ATG2B: variants seen among roughly 807,000 people sequenced by gnomAD.
The protein encoded by ATG2B is autophagy related 2B.
Under a neutral mutation model 241.3 loss-of-function variants are expected in ATG2B, and 121 were observed. The ratio of observed to expected loss-of-function variants is 0.50; its 90% CI spans 0.43 to 0.58. The LOEUF (loss-of-function observed/expected upper bound fraction) is 0.58. Among genes scored for constraint, ATG2B ranks in the 20% least tolerant of loss-of-function variants. The pLI is 0.00. For missense variants in ATG2B, 2,306 were observed against 2,491.6 expected (o/e 0.93, Z 1.59); for synonymous variants, 858 against 876.6 (o/e 0.98, Z 0.37).
At chr14:96,294,196 C>T (rs1006770608) in intron 36 of ATG2B, among the ~76,000 whole-genome samples, 5 of 152,256 alleles carry the variant, frequency 3.3e-5, no homozygotes, top group Middle Eastern at 3.4e-3. Context: ...AACTTCAGAA[C>T]CTAGAGAGAA....
chr14:96,342,096 G>A (rs1192786484), intron 5 of ATG2B, among the ~76,000 whole-genome samples: 9 of 151,976 alleles, frequency 5.9e-5, no homozygotes, highest in Admixed American at 5.9e-4. Context: ...TAATTATAAA[G>A]CTTTTTAAAG....
intron 30 of ATG2B, 67 bp from the exon 31 acceptor site, chr14:96,305,882 T>A: frequency 3.3e-6 from 4 of 1,205,116 alleles, no homozygotes; most frequent in Non-Finnish European, 4.8e-6. Context: ...ATGCTGCACA[T>A]CTCAAGGGGC....
At chr14:96,338,185 T>A (rs144280540) in intron 6 of ATG2B, among the ~76,000 whole-genome samples, 1 of 152,244 alleles carries the variant, frequency 6.6e-6, no homozygotes, top group African/African-American at 2.4e-5. Context: ...GGAGCCTTTT[T>A]GATGAGTCTT....
chr14:96,293,907 T>C (rs1336590366), intron 36 of ATG2B, among the ~76,000 whole-genome samples: 4 of 152,032 alleles, frequency 2.6e-5, no homozygotes, highest in African/African-American at 4.8e-5. Flanking sequence ...AAAAACCAAA[T>C]TGGCAGTTTA....
intron 18 of ATG2B, chr14:96,318,187 C>T (rs74837502): frequency 6.1e-6 from 1 of 165,032 alleles, no homozygotes; most frequent in Non-Finnish European, 1.3e-5. Context: ...AACAGAAGCT[C>T]ATGAAAAATA....
In ATG2B at chr14:96,362,827, G is replaced by A; in HGVS notation, c.150C>T (p.Pro50=). The change falls in exon 1 of 42, where the codon CCC becomes CCT. Residue 50 remains proline (P), a synonymous_variant. Transcript: ENST00000359933. ...CGGCAGCTCTTACCCATTTGTCCAA[G>A]GGGACCTGGGCGAGGGACCCGGTGC... ...YQGTGSLAQV[P]LDKWCLNEIL... is the part of the protein sequence containing the mutation. 1.9e-6 allele frequency: 3 copies of A among 1,607,714 alleles called. No homozygotes were observed. Among genetic ancestry groups the A allele is most frequent in the Non-Finnish European group, 2.6e-6 (3 of 1,176,314 alleles).
chr14:96,363,062 C>A lies in ATG2B; in HGVS notation c.-86G>T, dbSNP rs924559396. The A allele has an allele frequency of 8.5e-6, 13 of 1,528,142 alleles. No individual in the cohort carries two copies. The highest frequency in any genetic ancestry group is 1.2e-5 in the Non-Finnish European group (13 of 1,109,372). 94.7% of individuals were successfully genotyped at this position (1,528,142 alleles called of 1,614,324 possible). A position where few individuals can be genotyped will look rare whatever the true frequency, so the allele number is the denominator to read the frequency against. ...TAGCGACTCCGGCTCCAGGCCGCGG[C>A]GGGGCCTAAGCCTGGGGCGGCCCCT... On this transcript the variant is annotated 5_prime_UTR_variant, in exon 1 of 42. Coordinates refer to ENST00000359933, the MANE Select transcript of ATG2B (RefSeq NM_018036.7).
Position 96,285,577 on chromosome 14 carries a change from T to A in ATG2B, c.*178A>T, listed in dbSNP as rs1293658701. On this transcript the variant is annotated 3_prime_UTR_variant, in exon 42 of 42. Coordinates refer to ENST00000359933, the MANE Select transcript of ATG2B (RefSeq NM_018036.7). The surrounding 1 kb of genome is among the most constrained non-coding windows in gnomAD (Gnocchi z 4.2). ...AACATTTCTATAGGCAAGTATCAACTATAAATGTCAGAAGTTTTTGGTTGC... is the reference window on the plus strand; with the variant it reads ...AACATTTCTATAGGCAAGTATCAACAATAAATGTCAGAAGTTTTTGGTTGC... 1 of 623,826 alleles carries A rather than the reference T, an allele frequency of 1.6e-6. No homozygotes were observed. Among genetic ancestry groups the A allele is most frequent in the Non-Finnish European group, 2.8e-6 (1 of 357,010 alleles). 38.6% of individuals were successfully genotyped at this position (623,826 alleles called of 1,614,324 possible).
rs117811976 is a variant in ATG2B at position 96,356,032 on chromosome 14, G to A, written c.162+6783C>T. Among the ~76,000 whole-genome samples the A allele has an allele frequency of 5.4e-3, 824 of 152,082 alleles. 27 individuals carry two copies. In the South Asian group the frequency reaches 0.068, roughly 13 times the overall value. On this transcript the variant is annotated intron_variant, in intron 1 of 41. Coordinates refer to ENST00000359933, the MANE Select transcript of ATG2B (RefSeq NM_018036.7). ...AAAGATACAAAAAAATTTGCCAGGCGTCGGGGTGGGAGCCTGTAGTCCCAG... is the reference window on the plus strand; with the variant it reads ...AAAGATACAAAAAAATTTGCCAGGCATCGGGGTGGGAGCCTGTAGTCCCAG...
Position 96,291,746 on chromosome 14 carries a change from ATTG to A in ATG2B, c.5497-67_5497-65del, listed in dbSNP as rs1229629083. On this transcript the variant is annotated intron_variant, in intron 37 of 41. Transcript: ENST00000359933. ...ATTAAGAGACTCAACATCTAAAATA[ATTG>A]TTATTTTGAAAGTCAAAGCAGTAGT... 5 of 1,188,248 alleles carry A rather than the reference ATTG, an allele frequency of 4.2e-6. No individual in the cohort carries two copies. In the Admixed American group the frequency reaches 5.8e-5, roughly 14 times the overall value. 73.6% of individuals were successfully genotyped at this position (1,188,248 alleles called of 1,614,324 possible).
At position 96,294,859 on chromosome 14, in the gene ATG2B, A is replaced by G. The variant is rs1463636809; in HGVS notation, c.5426+101T>C. ...CAGCTGATGATTTGGCAGTGCAAAG[A>G]AAAGCTGACGGAACCTCATGATTAC... On this transcript the variant is annotated intron_variant, in intron 36 of 41. Transcript: ENST00000359933. 3 of 1,052,564 alleles carry G rather than the reference A, an allele frequency of 2.9e-6. No individual in the cohort carries two copies. In the African/African-American group the frequency reaches 4.8e-5, roughly 17 times the overall value. The allele number at this position is 1,052,564 out of a possible 1,614,324, so 65.2% of individuals were successfully genotyped here.
At position 96,295,557 on chromosome 14, in the gene ATG2B, C is replaced by T. The variant is rs1175371545; in HGVS notation, c.5143G>A (p.Ala1715Thr). The T allele has an allele frequency of 6.3e-7, 1 of 1,592,058 alleles. No homozygotes were observed. Among genetic ancestry groups the T allele is most frequent in the Non-Finnish European group, 8.5e-7 (1 of 1,171,534 alleles). The stretch of plus-strand genomic sequence containing the variant: ...AAGAAATCCTTCAGGAAGAACAAAG[C>T]ATCCTAAAATTAAGAGATGTAATTT... ...MPLRLNIDQD[A>T]LFFLKDFFTS... The change falls in exon 35 of 42, where the codon GCT (alanine) becomes ACT (threonine). Residue 1715 changes from alanine to threonine, a missense_variant. Ala to Thr is a moderately conservative substitution (Grantham distance 58). Transcript: ENST00000359933.
chr14:96,315,199 A>T lies in ATG2B; in HGVS notation c.3597T>A (p.Thr1199=). The T allele has an allele frequency of 1.2e-6, 2 of 1,614,190 alleles. No homozygotes were observed. The highest frequency in any genetic ancestry group is 1.7e-6 in the Non-Finnish European group (2 of 1,180,016). The change falls in exon 23 of 42, where the codon ACT becomes ACA. Residue 1199 remains threonine, a synonymous_variant. Coordinates refer to ENST00000359933, the MANE Select transcript of ATG2B (RefSeq NM_018036.7). Reference sequence around the variant, plus strand: ...CAGAAGGAAGCATTCTATGCTGGAGAGTGGCTCCTTTCAGTCCTACGGCAA... The same window carrying T: ...CAGAAGGAAGCATTCTATGCTGGAGTGTGGCTCCTTTCAGTCCTACGGCAA... ...FLIAVGLKGA[T]LQHRMLPSGL... is the part of the protein sequence containing the mutation.
Position 96,285,972 on chromosome 14 carries a change from G to C in ATG2B, c.6020C>G (p.Thr2007Arg). 1 of 1,612,780 alleles carries C rather than the reference G, an allele frequency of 6.2e-7. No individual in the cohort carries two copies. Among genetic ancestry groups the C allele is most frequent in the Non-Finnish European group, 8.5e-7 (1 of 1,179,276 alleles). The change falls in exon 42 of 42, where the codon ACG becomes AGG. Residue 2007 changes from threonine to arginine, a missense_variant. Around this residue, in one of 2 missense-constraint regions of ATG2B, gnomAD observed 379 missense variants for 480.4 expected, o/e 0.79. Transcript: ENST00000359933. This position sits in a 1 kb window ranked among gnomAD's most constrained non-coding sequence, Gnocchi z 4.2. ...YSVVKEGITD[T>R]AQTIYETAAR... Reference sequence around the variant, plus strand: ...CGCAGTTTCATAAATGGTCTGAGCCGTGTCTGTGATTCCCTGCGTAGAGGA... The same window carrying C: ...CGCAGTTTCATAAATGGTCTGAGCCCTGTCTGTGATTCCCTGCGTAGAGGA...
In ATG2B at chr14:96,333,700, G is replaced by T; in HGVS notation, c.1195C>A (p.Pro399Thr). The T allele has an allele frequency of 6.2e-7, 1 of 1,613,590 alleles. No homozygotes were observed. The highest frequency in any genetic ancestry group is 8.5e-7 in the Non-Finnish European group (1 of 1,179,724). Residue 399 changes from proline (P) to threonine (T), a missense_variant, in exon 8 of 42, where the codon CCT becomes ACT. Physicochemically the swap from Pro to Thr is conservative, Grantham distance 38 (BLOSUM62 -1). Around this residue, in one of 2 missense-constraint regions of ATG2B, gnomAD observed 1,927 missense variants for 2,011.2 expected, o/e 0.96. Coordinates refer to ENST00000359933, the MANE Select transcript of ATG2B (RefSeq NM_018036.7). ...SFYETETART[P>T]SSREEEVFFS... ...TTGAGTTGCTTACCACGGCTAGAAG[G>T]TGTACGAGCTGTTTCTGTCTCATAA...
rs536706872 is a variant in ATG2B at position 96,353,106 on chromosome 14, A to G, written c.163-5765T>C. ...TCACAGTTGCCTACAGTATTCAGTAACATGCTGTGCAGGTGTATAGCCTAG... is the reference window on the plus strand; with the variant it reads ...TCACAGTTGCCTACAGTATTCAGTAGCATGCTGTGCAGGTGTATAGCCTAG... On this transcript the variant is annotated intron_variant, in intron 1 of 41. Coordinates refer to ENST00000359933, the MANE Select transcript of ATG2B (RefSeq NM_018036.7). Among the ~76,000 whole-genome samples, 128 of 152,340 alleles carry G rather than the reference A, an allele frequency of 8.4e-4. 3 individuals carry two copies. Among genetic ancestry groups the G allele is most frequent in the South Asian group, 3.7e-3 (18 of 4,826 alleles).
At chr14:96,341,248 T>C (rs1251677160) in intron 6 of ATG2B, among the ~76,000 whole-genome samples, 3 of 152,182 alleles carry the variant, frequency 2.0e-5, no homozygotes, top group East Asian at 3.8e-4. Flanking sequence ...AAAGAGAGGT[T>C]TGTCAGTTTC....
At chr14:96,307,302 C>G (rs1886977111) in intron 29 of ATG2B, among the ~76,000 whole-genome samples, 2 of 152,010 alleles carry the variant, frequency 1.3e-5, no homozygotes, top group African/African-American at 2.4e-5. Context: ...TCCCAGCTAC[C>G]TGGGAGGCCG....
At chr14:96,314,162 T>C (rs1026146798) in intron 23 of ATG2B, among the ~76,000 whole-genome samples, 3 of 152,232 alleles carry the variant, frequency 2.0e-5, no homozygotes, top group African/African-American at 7.2e-5. Flanking sequence ...GTCAGACAGA[T>C]ATTCTCATGT....
Sources: gnomAD v4.1 joint callset for allele counts (sites outside exome capture counted in the v4.1 genomes callset) on GRCh38, gnomAD v4.1.1 for gene constraint, gnomAD v4.1.1 regional missense constraint, Gnocchi (gnomAD v3.1) non-coding constraint, MANE v1.5 for transcripts, NCBI Gene and HGNC (gene_info 2026-07-23, HGNC 2026-07-21) for gene names.